Variants in PAN3 observed in about 807,000 individuals in gnomAD.
PAN3 encodes the protein PAN2-PAN3 deadenylation complex subunit PAN3.
In PAN3, 19 loss-of-function variants were observed where a neutral mutation model predicts 96.2. The ratio of observed to expected loss-of-function variants is 0.20; its 90% confidence interval spans 0.14 to 0.29. The LOEUF is 0.29. Among genes scored for constraint, PAN3 ranks in the 10% least tolerant of loss-of-function variants. The pLI is 1.00. For missense variants in PAN3, 882 were observed against 1,108.1 expected (o/e 0.80, Z 2.90); for synonymous variants, 433 against 406.6 (o/e 1.06, Z -0.78).
intron 6 of PAN3, among the ~76,000 whole-genome samples, chr13:28,221,627 G>A (rs1193207370): frequency 2.0e-5 from 3 of 151,918 alleles, no homozygotes; most frequent in Non-Finnish European, 2.9e-5. Context: ...TTTTGTCAGC[G>A]CCTCATTTCC....
intron 1 of PAN3, among the ~76,000 whole-genome samples, chr13:28,149,477 T>A (rs1871094018): frequency 6.6e-6 from 1 of 152,238 alleles, no homozygotes; most frequent in Non-Finnish European, 1.5e-5. Flanking sequence ...TAGAAATAGT[T>A]ACATAAATCG....
chr13:28,197,300 C>G lies in PAN3; in HGVS notation c.806C>G (p.Pro269Arg). The G allele has an allele frequency of 6.2e-7, 1 of 1,610,906 alleles. No homozygotes were observed. Among genetic ancestry groups the G allele is most frequent in the Non-Finnish European group, 8.5e-7 (1 of 1,178,474 alleles). The change falls in exon 5 of 19, where the codon CCC (proline) becomes CGC (arginine). Residue 269 changes from proline (P) to arginine (R), a missense_variant. By Grantham distance (103) the Pro-to-Arg change is moderately radical (BLOSUM62 -2). This residue lies in a region of PAN3 where 442 missense variants were observed against 422.8 expected (regional missense o/e 1.05). Coordinates refer to ENST00000380958, the MANE Select transcript of PAN3 (RefSeq NM_175854.8). ...CLADRCKSGV[P>R]INMVWWNRVT... ...GCTGACAGGTGTAAATCAGGAGTAC[C>G]CATCAATATGGTTTGGTGGAACAGA...
chr13:28,267,816 C>T (rs1378853872), intron 12 of PAN3, among the ~76,000 whole-genome samples: 1 of 152,168 alleles, frequency 6.6e-6, no homozygotes, highest in Non-Finnish European at 1.5e-5. Flanking sequence ...CACCAGCTCC[C>T]TCCCACAACA....
At chr13:28,250,390 G>A (rs9319423) in intron 6 of PAN3, among the ~76,000 whole-genome samples, 91,961 of 151,600 alleles carry the variant, frequency 0.61, 29,502 homozygotes, top group Admixed American at 0.73. Flanking sequence ...TTTTTGAGAC[G>A]GAGTTTCACT....
intron 5 of PAN3, among the ~76,000 whole-genome samples, chr13:28,217,742 A>G (rs1880965850): frequency 6.6e-6 from 1 of 152,196 alleles, no homozygotes; most frequent in African/African-American, 2.4e-5. Context: ...ATGAGTGCAT[A>G]TCTGTATATT....
chr13:28,250,193 T>C (rs1331240608), intron 6 of PAN3, among the ~76,000 whole-genome samples: 2 of 151,132 alleles, frequency 1.3e-5, no homozygotes. Context: ...CTTATTTTGC[T>C]CAGAACTCTT....
intron 1 of PAN3, among the ~76,000 whole-genome samples, chr13:28,143,765 C>T (rs971060335): frequency 1.3e-5 from 2 of 152,154 alleles, no homozygotes; most frequent in Admixed American, 1.3e-4. Flanking sequence ...ACATTGAAGA[C>T]TAGTAAAATA....
At chr13:28,254,345 A>C (rs1884972721) in intron 6 of PAN3, among the ~76,000 whole-genome samples, 1 of 152,196 alleles carries the variant, frequency 6.6e-6, no homozygotes, top group Non-Finnish European at 1.5e-5. Context: ...TGTGAGGATT[A>C]AGTAGATTGA....
chr13:28,175,992 C>T (rs45541731), intron 2 of PAN3, among the ~76,000 whole-genome samples: 2,429 of 152,102 alleles, frequency 0.016, 30 homozygotes, highest in Non-Finnish European at 0.025. Context: ...GGATGAAGGG[C>T]CTTACAGGAT....
intron 1 of PAN3, among the ~76,000 whole-genome samples, chr13:28,157,543 G>A (rs932838153): frequency 8.5e-5 from 13 of 152,122 alleles, no homozygotes; most frequent in Admixed American, 6.5e-4. Context: ...ACAAAAATCC[G>A]TAGCATATCT....
At chr13:28,208,566 G>C (rs899255786) in intron 5 of PAN3, among the ~76,000 whole-genome samples, 2 of 151,910 alleles carry the variant, frequency 1.3e-5, no homozygotes, top group South Asian at 2.1e-4. Context: ...CCATTTAGTG[G>C]TTGAGCATCT....
In PAN3 at chr13:28,293,005, TAGA is replaced by T. The variant is rs1176973489; in HGVS notation, c.*486_*488del. ...ATTACGGACCAGGTAAATAATTTCA[TAGA>T]AGTTCAGTATAGTACGTAATTCTTG... On this transcript the variant is annotated 3_prime_UTR_variant, in exon 19 of 19. Transcript: ENST00000380958. The T allele has an allele frequency of 6.6e-6, 1 of 152,522 alleles. No homozygotes were observed. Among genetic ancestry groups the T allele is most frequent in the Non-Finnish European group, 1.5e-5 (1 of 68,274 alleles). 9.4% of individuals were successfully genotyped at this position (152,522 alleles called of 1,614,324 possible).
chr13:28,241,397 C>T (rs1883648018), intron 6 of PAN3, among the ~76,000 whole-genome samples: 1 of 152,180 alleles, frequency 6.6e-6, no homozygotes, highest in South Asian at 2.1e-4. Context: ...CTGTGACATT[C>T]AAACTTTAAT....
intron 5 of PAN3, chr13:28,214,917 G>A (rs1880540298): frequency 2.4e-5 from 29 of 1,203,532 alleles, no homozygotes; most frequent in South Asian, 4.8e-5. Context: ...GCAGGCTGGC[G>A]ACCATGCCCT....
chr13:28,243,793 A>T (rs1433986431), intron 6 of PAN3, among the ~76,000 whole-genome samples: 2 of 152,102 alleles, frequency 1.3e-5, no homozygotes, highest in African/African-American at 4.8e-5. Context: ...GATTACAGTG[A>T]TTCTCCTGCC....
chr13:28,171,535 G>A (rs187730958), intron 1 of PAN3, among the ~76,000 whole-genome samples: 13 of 152,256 alleles, frequency 8.5e-5, no homozygotes, highest in African/African-American at 2.4e-4. Context: ...GAGTTCCCAC[G>A]ACCCCTCCTC....
At chr13:28,253,218 A>C (rs924523830) in intron 6 of PAN3, among the ~76,000 whole-genome samples, 5 of 152,212 alleles carry the variant, frequency 3.3e-5, no homozygotes, top group Non-Finnish European at 5.9e-5. Context: ...TCTTAATTTG[A>C]GCAGAATCTG....
At chr13:28,147,510 A>G (rs1870821222) in intron 1 of PAN3, among the ~76,000 whole-genome samples, 1 of 152,206 alleles carries the variant, frequency 6.6e-6, no homozygotes, top group African/African-American at 2.4e-5. Flanking sequence ...AGCCTACCTT[A>G]AATAGGCCCA....
chr13:28,266,776 C>G lies in PAN3; in HGVS notation c.1473C>G (p.Pro491=). ...TCCCTCTAGAACCACTGCCACCTCC[C>G]AACCGGATACAGAAATCAAGTAATT... ...SLFPLEPLPP[P]NRIQKSSNFG... Residue 491 remains proline (P), a synonymous_variant, in exon 10 of 19, where the codon CCC becomes CCG. Transcript: ENST00000380958. 1 of 1,609,640 alleles carries G rather than the reference C, an allele frequency of 6.2e-7. No homozygotes were observed. Among genetic ancestry groups the G allele is most frequent in the Non-Finnish European group, 8.5e-7 (1 of 1,177,746 alleles).
Sources: allele counts gnomAD v4.1 joint callset (sites outside exome capture counted in the v4.1 genomes callset), GRCh38; gene constraint gnomAD v4.1.1; regional missense constraint gnomAD v4.1.1; transcripts MANE v1.5; gene names NCBI Gene and HGNC (gene_info 2026-07-23, HGNC 2026-07-21).